The following ADGRV1 variants were observed in gnomAD, a reference collection of about 807,000 sequenced individuals.
ADGRV1 encodes the protein adhesion G protein-coupled receptor V1, also known as G-protein coupled receptor 98.
In ADGRV1, 359 loss-of-function variants were observed where a neutral mutation model predicts 596.2. The observed-to-expected ratio is 0.60, with a 90% CI of 0.55 to 0.66. The LOEUF is 0.66. Ranked by LOEUF, ADGRV1 falls within the 30% of genes least tolerant of loss-of-function variation. ADGRV1 has a pLI of 0.00. For synonymous variants in ADGRV1, 2,681 were observed against 2,679.2 expected (o/e 1.00, Z -0.02); for missense variants, 7,274 against 7,575.6 (o/e 0.96, Z 1.48).
At chr5:90,831,263 G>A (rs887469087) in intron 77 of ADGRV1, among the ~76,000 whole-genome samples, 3 of 147,212 alleles carry the variant, frequency 2.0e-5, no homozygotes, top group Admixed American at 6.8e-5. Flanking sequence ...ACACACATAC[G>A]TATATATACA....
At chr5:90,564,655 C>T (rs1580278186) in intron 1 of ADGRV1, among the ~76,000 whole-genome samples, 1 of 77,932 alleles carries the variant, frequency 1.3e-5, no homozygotes, top group African/African-American at 7.3e-5. Flanking sequence ...GAGACGGAGT[C>T]TCGCTCTGTC....
At chr5:91,053,659 A>T (rs1045210081) in intron 85 of ADGRV1, among the ~76,000 whole-genome samples, 12 of 152,166 alleles carry the variant, frequency 7.9e-5, no homozygotes, top group African/African-American at 2.9e-4. Flanking sequence ...CTTGATTCTA[A>T]TCTCATCTCG....
chr5:90,892,949 G>A (rs867098684), intron 83 of ADGRV1, among the ~76,000 whole-genome samples: 1 of 152,182 alleles, frequency 6.6e-6, no homozygotes, highest in East Asian at 1.9e-4. Context: ...AGGGGTAGAT[G>A]AGTTGCAAGC....
chr5:90,726,197 C>T (rs1751752490), intron 48 of ADGRV1, among the ~76,000 whole-genome samples: 1 of 152,172 alleles, frequency 6.6e-6, no homozygotes, highest in Non-Finnish European at 1.5e-5. Flanking sequence ...CACTTGAAAC[C>T]CAATCTTAGT....
chr5:90,589,673 A>G (rs1759219564), intron 1 of ADGRV1, among the ~76,000 whole-genome samples: 1 of 152,156 alleles, frequency 6.6e-6, no homozygotes, highest in South Asian at 2.1e-4. Context: ...AATTCTAACT[A>G]TAAGGTTGTA....
Position 90,694,123 on chromosome 5 carries a change from G to A in ADGRV1, c.7367G>A (p.Ser2456Asn), listed in dbSNP as rs1746857115. The A allele has an allele frequency of 6.2e-7, 1 of 1,613,658 alleles. No homozygotes were observed. The highest frequency in any genetic ancestry group is 1.3e-5 in the African/African-American group (1 of 74,934). Residue 2456 changes from serine to asparagine, a missense_variant, in exon 33 of 90, where the codon AGT becomes AAT. Physicochemically the swap from Ser to Asn is conservative, Grantham distance 46. This residue lies in a region of ADGRV1 where 3,643 missense variants were observed against 3,809.2 expected (regional missense o/e 0.96). Coordinates refer to ENST00000405460, the MANE Select transcript of ADGRV1 (RefSeq NM_032119.4). ...EQACSAFSFF[S>N]ASEGPQCFWM... ...GCTTGCTCAGCGTTTTCATTTTTCA[G>A]TGCTTCTGAGGGTCCCCAGTGTTTC... is the stretch of plus-strand genomic sequence containing the variant.
intron 59 of ADGRV1, among the ~76,000 whole-genome samples, chr5:90,767,435 G>C (rs1029010772): frequency 1.3e-5 from 2 of 152,068 alleles, no homozygotes; most frequent in African/African-American, 2.4e-5. Flanking sequence ...GAATTGACGA[G>C]AAGGAAATAA....
Position 90,629,506 on chromosome 5 carries a change from A to T in ADGRV1, c.1806A>T (p.Ala602=), listed in dbSNP as rs746772283. 6.2e-7 allele frequency: 1 copy of T among 1,611,638 alleles called. No homozygotes were observed. Among genetic ancestry groups the T allele is most frequent in the Non-Finnish European group, 8.5e-7 (1 of 1,178,564 alleles). ...CAAAATTACCAATAAGAAATGATGCATTCCTTCAAAATGGAGCTCACTTTC... is the reference window on the plus strand; with the variant it reads ...CAAAATTACCAATAAGAAATGATGCTTTCCTTCAAAATGGAGCTCACTTTC... ...VTTKLPIRND[A]FLQNGAHFLV... Residue 602 remains alanine (A), a synonymous_variant, in exon 9 of 90, where the codon GCA becomes GCT. Transcript: ENST00000405460.
chr5:90,593,714 C>T (rs1347429244), intron 1 of ADGRV1, among the ~76,000 whole-genome samples: 1 of 151,970 alleles, frequency 6.6e-6, no homozygotes, highest in East Asian at 1.9e-4. Flanking sequence ...CAAATACCAC[C>T]TGTTCTCCCG....
chr5:91,027,122 A>G lies in ADGRV1; in HGVS notation c.18152+41600A>G, dbSNP rs969641138. Among the ~76,000 whole-genome samples the G allele has an allele frequency of 7.2e-4, 107 of 149,144 alleles. 1 individual carries two copies. Among genetic ancestry groups the G allele is most frequent in the Non-Finnish European group, 1.2e-3 (79 of 67,444 alleles). On this transcript the variant is annotated intron_variant, in intron 85 of 89. Transcript: ENST00000405460. ...GTGCCACTGCACTCTAGCCTGGGCA[A>G]CAGAGCAAAACACAGTCTCAAAACA...
chr5:90,595,242 C>T (rs1188070752), intron 1 of ADGRV1, among the ~76,000 whole-genome samples: 104 of 22,106 alleles, frequency 4.7e-3, no homozygotes, highest in Non-Finnish European at 6.3e-3. Context: ...CCGGACGGGG[C>T]GGCTGGCCGG....
intron 84 of ADGRV1, among the ~76,000 whole-genome samples, chr5:90,976,222 ATATATATATATACACAATG>A (rs1779565674): frequency 2.0e-5 from 3 of 147,520 alleles, no homozygotes; most frequent in East Asian, 3.9e-4. Flanking sequence ...GTGTGTATAT[ATATATATATATACACAATG>A]TACATATATT....
intron 17 of ADGRV1, among the ~76,000 whole-genome samples, chr5:90,648,536 T>G (rs544709257): frequency 6.6e-5 from 10 of 152,328 alleles, no homozygotes; most frequent in African/African-American, 2.4e-4. Flanking sequence ...CATGATGCCC[T>G]GTCTGCCACC....
intron 85 of ADGRV1, among the ~76,000 whole-genome samples, chr5:91,066,052 A>G (rs190862014): frequency 1.3e-5 from 2 of 152,218 alleles, no homozygotes; most frequent in Non-Finnish European, 2.9e-5. Flanking sequence ...TTGAGCTGCA[A>G]TTACAGAGAA....
intron 1 of ADGRV1, among the ~76,000 whole-genome samples, chr5:90,569,387 A>ATATATATAT (rs1231607997): frequency 6.1e-5 from 1 of 16,368 alleles, no homozygotes; most frequent in Non-Finnish European, 1.0e-4. Flanking sequence ...ATATATATAT[A>ATATATATAT]TTTTTTTTTT....
At chr5:91,151,792 A>G (rs1056861382) in intron 88 of ADGRV1, among the ~76,000 whole-genome samples, 1 of 152,228 alleles carries the variant, frequency 6.6e-6, no homozygotes, top group Non-Finnish European at 1.5e-5. Flanking sequence ...GGTAGCTGCC[A>G]TATTGGAGAA....
At chr5:91,018,051 C>T (rs566061700) in intron 85 of ADGRV1, among the ~76,000 whole-genome samples, 1 of 151,970 alleles carries the variant, frequency 6.6e-6, no homozygotes, top group Non-Finnish European at 1.5e-5. Flanking sequence ...ATGTTTTTAA[C>T]AAGTACATGC....
At chr5:91,114,845 G>A (rs941702406) in intron 87 of ADGRV1, among the ~76,000 whole-genome samples, 11 of 152,152 alleles carry the variant, frequency 7.2e-5, no homozygotes, top group African/African-American at 1.9e-4. Flanking sequence ...AGTGGAACAT[G>A]CTGTCATTTC....
rs1051003417 is a variant in ADGRV1, at chr5:90,874,658, G to A, written c.17856+10801G>A. Among the ~76,000 whole-genome samples, 2 of 151,804 alleles carry A rather than the reference G, an allele frequency of 1.3e-5. 1 individual carries two copies. Among genetic ancestry groups the A allele is most frequent in the South Asian group, 4.2e-4 (2 of 4,796 alleles). ...GGGCGGATCACGAGGTCAGGAGATC[G>A]AGACCATCCTGGCTAACATGGTGAA... is the stretch of plus-strand genomic sequence containing the variant. On this transcript the variant is annotated intron_variant, in intron 83 of 89. Transcript: ENST00000405460.
Sources: gnomAD v4.1 joint callset for allele counts (sites outside exome capture counted in the v4.1 genomes callset) on GRCh38, gnomAD v4.1.1 for gene constraint, gnomAD v4.1.1 regional missense constraint, MANE v1.5 for transcripts, NCBI Gene and HGNC (gene_info 2026-07-23, HGNC 2026-07-21) for gene names.